SASH1: variants seen among roughly 807,000 people sequenced by gnomAD.
The protein encoded by SASH1 is SAM and SH3 domain-containing protein 1.
Under a neutral mutation model 125.2 loss-of-function variants are expected in SASH1, and 44 were observed. The observed-to-expected ratio is 0.35, with a 90% CI of 0.28 to 0.45. SASH1 has a LOEUF of 0.45. Among genes scored for constraint, SASH1 ranks in the 20% least tolerant of loss-of-function variants. The pLI is 1.00. For synonymous variants in SASH1, 639 were observed against 649.1 expected (o/e 0.98, Z 0.24); for missense variants, 1,426 against 1,614.5 (o/e 0.88, Z 2.00).
chr6:148,375,836 A>G (rs1782870427), intron 1 of SASH1, among the ~76,000 whole-genome samples: 2 of 152,284 alleles, frequency 1.3e-5, no homozygotes, highest in South Asian at 2.1e-4. Flanking sequence ...TGAACGCAAC[A>G]GAGTTCCCCT....
intron 1 of SASH1, among the ~76,000 whole-genome samples, chr6:148,303,073 C>A (rs1399976209): frequency 6.6e-6 from 1 of 151,976 alleles, no homozygotes; most frequent in Non-Finnish European, 1.5e-5. Flanking sequence ...CTCTGCCTCC[C>A]AGATTCAAGC....
chr6:148,202,147 G>A, the SASH1 span, among the ~76,000 whole-genome samples: 4 of 151,918 alleles, frequency 2.6e-5, no homozygotes, highest in Non-Finnish European at 5.9e-5. Context: ...TTAATTATCT[G>A]TTATTTGAAC....
At chr6:148,539,418 A>G (rs1244922036) in intron 16 of SASH1, among the ~76,000 whole-genome samples, 1 of 151,712 alleles carries the variant, frequency 6.6e-6, no homozygotes, top group Non-Finnish European at 1.5e-5. Flanking sequence ...TTATGTGCTT[A>G]TAGCTTAGCT....
At chr6:148,337,381 G>A (rs1488996300) in intron 1 of SASH1, among the ~76,000 whole-genome samples, 2 of 152,020 alleles carry the variant, frequency 1.3e-5, no homozygotes, top group South Asian at 4.1e-4. Flanking sequence ...CCGCCACCAC[G>A]CCTGGCAAAT....
At chr6:148,317,411 A>G (rs113191869) in intron 1 of SASH1, among the ~76,000 whole-genome samples, 3,656 of 152,272 alleles carry the variant, frequency 0.024, 60 homozygotes, top group Non-Finnish European at 0.035. Context: ...TTGAGAAAAT[A>G]TTGAGGAAAA....
At chr6:148,326,414 C>CTTTTT (rs56066712) in intron 1 of SASH1, among the ~76,000 whole-genome samples, 6,178 of 83,444 alleles carry the variant, frequency 0.074, 532 homozygotes, top group Middle Eastern at 0.15. Context: ...CTTTTCTTTT[C>CTTTTT]TTTTTTTTGA....
chr6:148,538,950 G>A (rs554115799), intron 16 of SASH1, among the ~76,000 whole-genome samples: 46 of 152,294 alleles, frequency 3.0e-4, no homozygotes, highest in African/African-American at 7.0e-4. Flanking sequence ...GATGTTCTGC[G>A]TGTAACCTCA....
intron 1 of SASH1, among the ~76,000 whole-genome samples, chr6:148,330,719 A>G (rs1780969216): frequency 6.6e-6 from 1 of 151,800 alleles, no homozygotes; most frequent in Non-Finnish European, 1.5e-5. Flanking sequence ...CCAAGTAGCT[A>G]GGATTAGAGG....
At chr6:148,320,851 G>C (rs79934829) in intron 1 of SASH1, among the ~76,000 whole-genome samples, 1 of 152,164 alleles carries the variant, frequency 6.6e-6, no homozygotes, top group Admixed American at 6.5e-5. Context: ...TTATGTCTTT[G>C]TGCCTTTGCT....
At chr6:148,221,876 CG>C in the SASH1 span, among the ~76,000 whole-genome samples, 7 of 152,178 alleles carry the variant, frequency 4.6e-5, no homozygotes, top group Admixed American at 2.0e-4. Flanking sequence ...CCTTTCCCTG[CG>C]GGTCACTTAG....
the SASH1 span, among the ~76,000 whole-genome samples, chr6:148,206,793 G>GCGCACACACA: frequency 5.9e-5 from 8 of 134,460 alleles, no homozygotes; most frequent in African/African-American, 1.1e-4. Flanking sequence ...CCATCTCAAA[G>GCGCACACACA]CACACACACA....
At chr6:148,381,877 T>C (rs9390562) in intron 1 of SASH1, among the ~76,000 whole-genome samples, 64,084 of 151,642 alleles carry the variant, frequency 0.42, 13,895 homozygotes, top group South Asian at 0.6. Flanking sequence ...CTCAAGTGAT[T>C]CACCCACCTC....
Position 148,514,446 on chromosome 6 carries a change from C to T in SASH1, c.852C>T (p.Pro284=). The T allele has an allele frequency of 1.0e-6, 1 of 966,512 alleles. No homozygotes were observed. Among genetic ancestry groups the T allele is most frequent in the Non-Finnish European group, 1.4e-6 (1 of 711,636 alleles). The allele number at this position is 966,512 out of a possible 1,614,324, so 59.9% of individuals were successfully genotyped here. A position where few individuals can be genotyped will look rare whatever the true frequency, so the allele number is the denominator to read the frequency against. ...KLIRVEEMKK[P]STEGGEEHVF... ...TTAGGGTGGAAGAAATGAAAAAACC[C>T]AGCACTGAAGGTAAAAAAAAAAAAA... Residue 284 remains proline (P), a synonymous_variant, in exon 9 of 20, where the codon CCC becomes CCT. Transcript: ENST00000367467.
chr6:148,518,362 T>C (rs181700568), intron 9 of SASH1, among the ~76,000 whole-genome samples: 10 of 152,304 alleles, frequency 6.6e-5, no homozygotes, highest in Admixed American at 5.9e-4. Context: ...TTGGGTTGTA[T>C]TTAATAGCAG....
At position 148,315,839 on chromosome 6, in the gene SASH1, G is replaced by T. The variant is rs117274755; in HGVS notation, n.74+43462G>T. 2.8e-3 allele frequency among the ~76,000 whole-genome samples: 419 copies of T among 152,258 alleles called. 1 individual carries two copies. Among genetic ancestry groups the T allele is most frequent in the Middle Eastern group, 6.8e-3 (2 of 294 alleles). ...GGATCACTTGAGCCTGGGAGGTCGAGGTTTCAGTGAGCCATGATTTTGCCA... is the reference window on the plus strand; with the variant it reads ...GGATCACTTGAGCCTGGGAGGTCGATGTTTCAGTGAGCCATGATTTTGCCA... On this transcript the variant is annotated intron_variant and non_coding_transcript_variant, in intron 1 of 3. Transcript: ENST00000367469.
At position 148,337,196 on chromosome 6, in the gene SASH1, A is replaced by C. The variant is rs1294696044; in HGVS notation, n.75-52938A>C. Among the ~76,000 whole-genome samples, 78 of 147,686 alleles carry C rather than the reference A, an allele frequency of 5.3e-4. 1 individual carries two copies. The Admixed American group carries it at 5.3e-3, about 10-fold the overall frequency. On this transcript the variant is annotated intron_variant and non_coding_transcript_variant, in intron 1 of 3. Coordinates refer to the SASH1 transcript ENST00000367469. ...GCCTCAGCCTCCCATAGCTGGGACC[A>C]CAGGTGCCCACCACTACATCCAGCT... is the stretch of plus-strand genomic sequence containing the variant.
At chr6:148,407,835 G>A (rs1562387030) in intron 2 of SASH1, among the ~76,000 whole-genome samples, 1 of 152,086 alleles carries the variant, frequency 6.6e-6, no homozygotes, top group South Asian at 2.1e-4. Context: ...GTTTCACCAT[G>A]TTAGCCAGGC....
chr6:148,443,610 G>A (rs939217781), intron 4 of SASH1, among the ~76,000 whole-genome samples: 1 of 149,900 alleles, frequency 6.7e-6, no homozygotes, highest in African/African-American at 2.5e-5. Context: ...CATGATTCTT[G>A]CCTGAATCAG....
At chr6:148,413,667 A>C (rs1181721389) in intron 2 of SASH1, among the ~76,000 whole-genome samples, 2 of 152,156 alleles carry the variant, frequency 1.3e-5, no homozygotes, top group Admixed American at 1.3e-4. Flanking sequence ...AGGTAAATCG[A>C]GGCCGTTGAT....
Sources: allele counts gnomAD v4.1 joint callset (sites outside exome capture counted in the v4.1 genomes callset), GRCh38; gene constraint gnomAD v4.1.1; transcripts MANE v1.5; gene names NCBI Gene and HGNC (gene_info 2026-07-23, HGNC 2026-07-21).